CCDC146: variants seen among roughly 807,000 people sequenced by gnomAD.
The protein encoded by CCDC146 is coiled-coil domain containing 146.
CCDC146 carries 92 observed loss-of-function variants against 119.3 expected under a neutral mutation model. The ratio of observed to expected loss-of-function variants is 0.77; its 90% CI spans 0.65 to 0.92. The LOEUF (loss-of-function observed/expected upper bound fraction) is 0.92. Ranked by LOEUF, CCDC146 falls within the 40% of genes least tolerant of loss-of-function variation. The probability of loss-of-function intolerance (pLI) is 0.00; values close to 1 mark genes in which losing one functional copy is unlikely to be tolerated. For synonymous variants in CCDC146, 372 were observed against 371.8 expected (o/e 1.00, Z -0.01); for missense variants, 1,000 against 1,103.0 (o/e 0.91, Z 1.32).
intron 4 of CCDC146, chr7:77,246,385 C>T (rs1792950601): frequency 6.6e-6 from 1 of 152,250 alleles, no homozygotes; most frequent in African/African-American, 2.4e-5. Context: ...TGCATTATCT[C>T]TTCACCCATA....
intron 2 of CCDC146, among the ~76,000 whole-genome samples, chr7:77,215,733 C>A (rs2150455017): frequency 6.6e-6 from 1 of 152,042 alleles, no homozygotes; most frequent in South Asian, 2.1e-4. Context: ...CTTTATCCCA[C>A]AGTTTACACA....
At chr7:77,232,421 T>A (rs1481942824) in intron 2 of CCDC146, among the ~76,000 whole-genome samples, 1 of 152,242 alleles carries the variant, frequency 6.6e-6, no homozygotes, top group Admixed American at 6.5e-5. Context: ...TCCCAATTTC[T>A]CTGTTAAACT....
intron 2 of CCDC146, among the ~76,000 whole-genome samples, chr7:77,223,134 C>CTA (rs1424350647): frequency 6.6e-6 from 1 of 152,170 alleles, no homozygotes; most frequent in Non-Finnish European, 1.5e-5. Context: ...CTCCAACCTG[C>CTA]TACCATCTCC....
At chr7:77,220,004 G>A (rs1792372047) in intron 2 of CCDC146, among the ~76,000 whole-genome samples, 1 of 152,200 alleles carries the variant, frequency 6.6e-6, no homozygotes, top group South Asian at 2.1e-4. Flanking sequence ...CATTGTCATT[G>A]ATAAACATCT....
chr7:77,199,786 A>G lies in CCDC146; in HGVS notation c.156+31962A>G, dbSNP rs567419778. The G allele has an allele frequency of 9.9e-6, 16 of 1,613,744 alleles. No individual in the cohort carries two copies. In the South Asian group the frequency reaches 1.8e-4, roughly 18 times the overall value. On this transcript the variant is annotated intron_variant, in intron 2 of 18. Transcript: ENST00000285871. ...TGAGCTCAGCCAGTACCAGTTAGCCAGCTTCATCTTTACAGTGCTGCTCAC... is the reference window on the plus strand; with the variant it reads ...TGAGCTCAGCCAGTACCAGTTAGCCGGCTTCATCTTTACAGTGCTGCTCAC...
intron 2 of CCDC146, among the ~76,000 whole-genome samples, chr7:77,189,033 T>C (rs1791716187): frequency 6.6e-6 from 1 of 152,168 alleles, no homozygotes; most frequent in Admixed American, 6.5e-5. Flanking sequence ...CATGGATTCA[T>C]TGCCATGGGA....
chr7:77,230,871 CTGTT>C (rs1015280315), intron 2 of CCDC146, among the ~76,000 whole-genome samples: 3 of 152,178 alleles, frequency 2.0e-5, no homozygotes, highest in Non-Finnish European at 2.9e-5. Flanking sequence ...CTGTGACAAT[CTGTT>C]TGTGTGTCTT....
rs375521028 is a variant in CCDC146 at position 77,153,443 on chromosome 7, T to A, written c.-11-14215T>A. Among the ~76,000 whole-genome samples, 766 of 138,384 alleles carry A rather than the reference T, an allele frequency of 5.5e-3. 10 individuals carry two copies. Among genetic ancestry groups the A allele is most frequent in the African/African-American group, 0.019 (714 of 37,266 alleles). The allele number at this position is 138,384 out of a possible 152,430, so 90.8% of individuals were successfully genotyped here. A position where few individuals can be genotyped will look rare whatever the true frequency, so the allele number is the denominator to read the frequency against. Reference sequence around the variant, plus strand: ...GGACTTTTCTTTTTTTTTTTTTTTTTAACAATAAAAGATAACATTTAATTT... The same window carrying A: ...GGACTTTTCTTTTTTTTTTTTTTTTAAACAATAAAAGATAACATTTAATTT... On this transcript the variant is annotated intron_variant, in intron 1 of 18. Coordinates refer to ENST00000285871, the MANE Select transcript of CCDC146 (RefSeq NM_020879.3).
At chr7:77,272,466 C>T (rs1212612658) in intron 9 of CCDC146, among the ~76,000 whole-genome samples, 2 of 152,204 alleles carry the variant, frequency 1.3e-5, no homozygotes, top group East Asian at 3.8e-4. Flanking sequence ...GTTAAGTAAC[C>T]TTCAAATCAC....
chr7:77,241,827 C>A lies in CCDC146; in HGVS notation c.376C>A (p.Gln126Lys), dbSNP rs147802135. 4 of 1,613,814 alleles carry A rather than the reference C, an allele frequency of 2.5e-6. No individual in the cohort carries two copies. The highest frequency in any genetic ancestry group is 2.7e-5 in the African/African-American group (2 of 74,904). The change falls in exon 4 of 19, where the codon CAA becomes AAA. Residue 126 changes from glutamine (Q) to lysine (K), a missense_variant. Physicochemically the swap from Gln to Lys is moderately conservative, Grantham distance 53 (BLOSUM62 1). This residue lies in a region of CCDC146 where 985 missense variants were observed against 1,045.3 expected (regional missense o/e 0.94). Transcript: ENST00000285871. The stretch of plus-strand genomic sequence containing the variant: ...CACGGAGGTCTCCAAAATGAGAGAA[C>A]AACTTCTCAAGTATCAAAATGAATA... ...FSTEVSKMRE[Q>K]LLKYQNEYNA...
chr7:77,207,015 TTA>T (rs2150444088), intron 2 of CCDC146, among the ~76,000 whole-genome samples: 2 of 152,260 alleles, frequency 1.3e-5, no homozygotes, highest in African/African-American at 4.8e-5. Context: ...ATTCTTAACT[TTA>T]TCTTATGAGA....
intron 1 of CCDC146, among the ~76,000 whole-genome samples, chr7:77,134,565 G>C (rs200768859): frequency 0.061 from 3,037 of 49,580 alleles, 45 homozygotes; most frequent in East Asian, 0.15. Context: ...GTGTGTGTCT[G>C]TGTGTGTGTG....
chr7:77,171,759 A>G (rs1169088833), intron 2 of CCDC146, among the ~76,000 whole-genome samples: 1 of 152,246 alleles, frequency 6.6e-6, no homozygotes, highest in Non-Finnish European at 1.5e-5. Flanking sequence ...TAAAGAAGCC[A>G]AAACAGTAAA....
chr7:77,202,552 G>C (rs1280423256), intron 2 of CCDC146, among the ~76,000 whole-genome samples: 1 of 152,118 alleles, frequency 6.6e-6, no homozygotes, highest in African/African-American at 2.4e-5. Context: ...CCTGACATAA[G>C]GGTAGAGAAC....
chr7:77,164,688 A>G (rs1791315564), intron 1 of CCDC146, among the ~76,000 whole-genome samples: 1 of 152,228 alleles, frequency 6.6e-6, no homozygotes, highest in Non-Finnish European at 1.5e-5. Context: ...TTTGAAACAT[A>G]AAAATTAGTT....
At chr7:77,144,681 G>T (rs1206237684) in intron 1 of CCDC146, among the ~76,000 whole-genome samples, 1 of 151,702 alleles carries the variant, frequency 6.6e-6, no homozygotes, top group Admixed American at 6.6e-5. Flanking sequence ...TAATCATGTG[G>T]TTTTTGTCAT....
chr7:77,220,142 T>G (rs1209984793), intron 2 of CCDC146, among the ~76,000 whole-genome samples: 1 of 152,272 alleles, frequency 6.6e-6, no homozygotes, highest in Admixed American at 6.5e-5. Flanking sequence ...TATCTACAAC[T>G]GCATAAGACA....
Position 77,196,681 on chromosome 7 carries a change from G to A in CCDC146, c.156+28857G>A. On this transcript the variant is annotated intron_variant, in intron 2 of 18. Transcript: ENST00000285871. This position sits in a 1 kb window ranked among gnomAD's most constrained non-coding sequence, Gnocchi z 4.2. Reference sequence around the variant, plus strand: ...AGGCATATAGTTCGACACCATTAAAGTCTTCAAGATCTATTCTCAGAATCA... The same window carrying A: ...AGGCATATAGTTCGACACCATTAAAATCTTCAAGATCTATTCTCAGAATCA... 1 of 1,614,202 alleles carries A rather than the reference G, an allele frequency of 6.2e-7. No individual in the cohort carries two copies. Among genetic ancestry groups the A allele is most frequent in the Non-Finnish European group, 8.5e-7 (1 of 1,180,002 alleles).
intron 1 of CCDC146, among the ~76,000 whole-genome samples, chr7:77,147,241 G>A (rs2117435552): frequency 6.6e-6 from 1 of 152,258 alleles, no homozygotes; most frequent in Non-Finnish European, 1.5e-5. Context: ...TAGTTCTCAT[G>A]CCATGGTTTT....
Sources: gnomAD v4.1 joint callset for allele counts (sites outside exome capture counted in the v4.1 genomes callset) on GRCh38, gnomAD v4.1.1 for gene constraint, gnomAD v4.1.1 regional missense constraint, Gnocchi (gnomAD v3.1) non-coding constraint, MANE v1.5 for transcripts, NCBI Gene and HGNC (gene_info 2026-07-23, HGNC 2026-07-21) for gene names.